ABCB5: variants seen among roughly 807,000 people sequenced by gnomAD.
ABCB5 encodes the protein ATP-binding cassette sub-family B member 5.
In ABCB5, 155 loss-of-function variants were observed where a neutral mutation model predicts 144.2. The observed-to-expected ratio is 1.08, with a 90% CI of 0.94 to 1.23. The LOEUF is 1.23. Among genes scored for constraint, ABCB5 ranks in the 50% most tolerant of loss-of-function variants. The pLI is 0.00. For synonymous variants in ABCB5, 610 were observed against 528.6 expected (o/e 1.15, Z -2.11); for missense variants, 1,830 against 1,520.8 (o/e 1.20, Z -3.38).
intron 20 of ABCB5, among the ~76,000 whole-genome samples, chr7:20,717,562 C>T (rs941769519): frequency 6.6e-6 from 1 of 151,686 alleles, no homozygotes; most frequent in African/African-American, 2.4e-5. Context: ...CCTGCCTCAG[C>T]GTCCTGAGTA....
intron 5 of ABCB5, among the ~76,000 whole-genome samples, chr7:20,636,872 G>C (rs1410764515): frequency 6.7e-6 from 1 of 149,912 alleles, no homozygotes; most frequent in African/African-American, 2.4e-5. Context: ...TATTCAGTAT[G>C]TTAATATTTT....
chr7:20,653,262 T>C (rs1285382047), intron 13 of ABCB5, among the ~76,000 whole-genome samples: 1 of 152,086 alleles, frequency 6.6e-6, no homozygotes, highest in Non-Finnish European at 1.5e-5. Context: ...TCAGAAGATA[T>C]AACCAAAATA....
intron 26 of ABCB5, among the ~76,000 whole-genome samples, chr7:20,750,772 A>G (rs1782899698): frequency 6.6e-6 from 1 of 152,202 alleles, no homozygotes; most frequent in South Asian, 2.1e-4. Flanking sequence ...AGAAGGGTGC[A>G]GAGCAAGGAG....
intron 3 of ABCB5, among the ~76,000 whole-genome samples, chr7:20,628,205 G>C (rs1255458319): frequency 1.3e-5 from 2 of 151,452 alleles, no homozygotes; most frequent in Non-Finnish European, 2.9e-5. Context: ...TCCCCACCCT[G>C]TGTCCATGTG....
At chr7:20,634,929 C>T (rs1324271186) in intron 5 of ABCB5, among the ~76,000 whole-genome samples, 3 of 151,822 alleles carry the variant, frequency 2.0e-5, no homozygotes, top group African/African-American at 4.8e-5. Flanking sequence ...TGTCTATTTT[C>T]GGTTTTGTTG....
At chr7:20,704,389 G>A (rs1047576377) in intron 19 of ABCB5, among the ~76,000 whole-genome samples, 1 of 151,930 alleles carries the variant, frequency 6.6e-6, no homozygotes, top group African/African-American at 2.4e-5. Flanking sequence ...CCTTACTTTT[G>A]AATTATGTCT....
intron 20 of ABCB5, 113 bp downstream of exon 20, chr7:20,704,920 A>C (rs2158855): frequency 0.25 from 184,715 of 729,382 alleles, 25,856 homozygotes; most frequent in Non-Finnish European, 0.28. Flanking sequence ...CACATCATTA[A>C]TGAGGCCAGG....
intron 14 of ABCB5, among the ~76,000 whole-genome samples, chr7:20,664,454 G>A (rs1339048342): frequency 2.6e-5 from 4 of 152,042 alleles, no homozygotes; most frequent in African/African-American, 9.7e-5. Flanking sequence ...ATACTAAAAG[G>A]TCTTCTAAGA....
intron 20 of ABCB5, among the ~76,000 whole-genome samples, chr7:20,719,940 AATAC>A (rs1401412753): frequency 2.0e-5 from 2 of 101,972 alleles, no homozygotes; most frequent in Non-Finnish European, 3.9e-5. Context: ...TGTACCTATC[AATAC>A]ACACACACAC....
chr7:20,665,236 G>A (rs1225649515), intron 14 of ABCB5, among the ~76,000 whole-genome samples: 1 of 152,058 alleles, frequency 6.6e-6, no homozygotes, highest in African/African-American at 2.4e-5. Flanking sequence ...TGGAAAGAAG[G>A]GTCAACGAGC....
intron 14 of ABCB5, among the ~76,000 whole-genome samples, chr7:20,668,774 G>A (rs1785330963): frequency 2.4e-5 from 3 of 127,170 alleles, no homozygotes; most frequent in East Asian, 2.6e-4. Flanking sequence ...GGTGAGGGGC[G>A]CCTCTGCCCG....
intron 23 of ABCB5, among the ~76,000 whole-genome samples, chr7:20,736,903 C>T (rs1217540090): frequency 6.6e-6 from 1 of 152,114 alleles, no homozygotes; most frequent in African/African-American, 2.4e-5. Context: ...AGATTACTGT[C>T]CCTAGGCCGG....
At chr7:20,621,057 T>A (rs1783796076) in intron 1 of ABCB5, among the ~76,000 whole-genome samples, 1 of 152,120 alleles carries the variant, frequency 6.6e-6, no homozygotes, top group African/African-American at 2.4e-5. Flanking sequence ...CAGAATAGTA[T>A]TCAGCCTTAA....
In ABCB5 at chr7:20,681,010, CTTTCTT is replaced by C. The variant is rs749759640; in HGVS notation, c.1708-493_1708-488del. 0.012 allele frequency among the ~76,000 whole-genome samples: 78 copies of C among 6,562 alleles called. 6 individuals carry two copies. The East Asian group carries it at 0.14, about 12-fold the overall frequency. 4.3% of individuals were successfully genotyped at this position (6,562 alleles called of 152,430 possible). A position where few individuals can be genotyped will look rare whatever the true frequency, so the allele number is the denominator to read the frequency against. On this transcript the variant is annotated intron_variant, in intron 14 of 27. Transcript: ENST00000404938. ...TCTTTCTTTCTTTCTTTCTTTCTTTCTTTCTTTCTTTCTTTCTTTCTTTCTCTTTCT... is the reference window on the plus strand; with the variant it reads ...TCTTTCTTTCTTTCTTTCTTTCTTTCTCTTTCTTTCTTTCTTTCTCTTTCT...
chr7:20,664,602 A>G (rs1255104234), intron 14 of ABCB5, among the ~76,000 whole-genome samples: 2 of 152,234 alleles, frequency 1.3e-5, no homozygotes, highest in African/African-American at 2.4e-5. Context: ...GTGCTATCAA[A>G]TAAGTGATCT....
At chr7:20,647,771 T>C (rs1010759748) in intron 10 of ABCB5, 123 bp downstream of exon 10, 12 of 1,423,208 alleles carry the variant, frequency 8.4e-6, no homozygotes, top group Non-Finnish European at 1.0e-5. Flanking sequence ...CAGTTGTTTA[T>C]GGGAAAGAGA....
At chr7:20,619,778 T>C (rs1481964126) in intron 1 of ABCB5, among the ~76,000 whole-genome samples, 1 of 152,212 alleles carries the variant, frequency 6.6e-6, no homozygotes, top group Admixed American at 6.5e-5. Flanking sequence ...GGATATTTCT[T>C]AAGTTTTCTT....
intron 23 of ABCB5, among the ~76,000 whole-genome samples, chr7:20,735,896 A>G (rs891112761): frequency 3.3e-5 from 5 of 152,210 alleles, no homozygotes; most frequent in Non-Finnish European, 5.9e-5. Flanking sequence ...CATTCTACTT[A>G]TCTCCTAGGT....
chr7:20,628,970 A>G (rs1336272975), intron 4 of ABCB5, 132 bp downstream of exon 4: 2 of 1,028,898 alleles, frequency 1.9e-6, no homozygotes, highest in Non-Finnish European at 2.7e-6. Context: ...TAAGTCATTT[A>G]TTCTGCCATA....
Sources: allele counts gnomAD v4.1 joint callset (sites outside exome capture counted in the v4.1 genomes callset), GRCh38; gene constraint gnomAD v4.1.1; transcripts MANE v1.5; gene names NCBI Gene and HGNC (gene_info 2026-07-23, HGNC 2026-07-21).